Variants in ATP8B1 observed in about 807,000 individuals in gnomAD.
ATP8B1 encodes phospholipid-transporting ATPase IC.
A neutral mutation model predicts 149.9 loss-of-function variants in ATP8B1; 80 were observed. The observed-to-expected ratio is 0.53, with a 90% CI of 0.45 to 0.64. ATP8B1 has a LOEUF of 0.64. Among genes scored for constraint, ATP8B1 ranks in the 30% least tolerant of loss-of-function variants. The pLI is 0.00. For synonymous variants in ATP8B1, 536 were observed against 562.8 expected (o/e 0.95, Z 0.67); for missense variants, 1,247 against 1,552.6 (o/e 0.80, Z 3.31).
intron 22 of ATP8B1, 125 bp downstream of exon 22, chr18:57,661,049 G>A: frequency 7.6e-7 from 1 of 1,315,770 alleles, no homozygotes; most frequent in Non-Finnish European, 1.1e-6. Context: ...GTGACTTTAT[G>A]AAACATCTGC....
intron 1 of ATP8B1, among the ~76,000 whole-genome samples, chr18:57,764,325 TTCTTTCTTTCTTTCTTTTTCTTTCTTTC>T (rs1262344135): frequency 1.0e-5 from 1 of 97,024 alleles, no homozygotes; most frequent in African/African-American, 4.1e-5. Context: ...TTCTTTCTTT[TTCTTTCTTTCTTTCTTTTTCTTTCTTTC>T]TCTCCCTCTT....
chr18:57,763,328 A>G (rs371167873), intron 1 of ATP8B1, among the ~76,000 whole-genome samples: 12 of 152,010 alleles, frequency 7.9e-5, no homozygotes, highest in East Asian at 5.8e-4. Context: ...GGAGGCGGAG[A>G]TTGCGGTGAG....
Position 57,698,586 on chromosome 18 carries a change from C to T in ATP8B1, c.555-719G>A, listed in dbSNP as rs557389402. Reference sequence around the variant, plus strand: ...CTGACCTCAGGTGATCCACCCACCTCGGCCTCCCAAAGTGCTGGGATTATA... The same window carrying T: ...CTGACCTCAGGTGATCCACCCACCTTGGCCTCCCAAAGTGCTGGGATTATA... On this transcript the variant is annotated intron_variant, in intron 6 of 27. Transcript: ENST00000648908. Among the ~76,000 whole-genome samples the T allele has an allele frequency of 5.2e-4, 79 of 152,248 alleles. 1 individual carries two copies. The highest frequency in any genetic ancestry group is 1.7e-3 in the African/African-American group (72 of 41,550).
At chr18:57,711,303 T>C (rs1318469574) in intron 2 of ATP8B1, among the ~76,000 whole-genome samples, 1 of 152,172 alleles carries the variant, frequency 6.6e-6, no homozygotes, top group South Asian at 2.1e-4. Context: ...TGATAGCCTA[T>C]GCAGTCAGCA....
rs556214831 is a variant in ATP8B1, at chr18:57,802,056, C to G, written c.-26+942G>C. On this transcript the variant is annotated intron_variant, in intron 1 of 27. Coordinates refer to ENST00000648908, the MANE Select transcript of ATP8B1 (RefSeq NM_001374385.1). The surrounding 1 kb of genome is among the most constrained non-coding windows in gnomAD (Gnocchi z 4.9). Reference sequence around the variant, plus strand: ...CACGGATCTGCGCTCCGAGCACCGCCCCCCCCCGCAACCAGCCACCAACCC... The same window carrying G: ...CACGGATCTGCGCTCCGAGCACCGCGCCCCCCCGCAACCAGCCACCAACCC... The G allele has an allele frequency of 4.2e-5, 3 of 71,772 alleles. No homozygotes were observed. The East Asian group carries it at 9.3e-3, about 222-fold the overall frequency. The allele number at this position is 71,772 out of a possible 1,614,324, so 4.4% of individuals were successfully genotyped here.
At chr18:57,790,550 C>T (rs543717615) in intron 1 of ATP8B1, among the ~76,000 whole-genome samples, 2 of 152,184 alleles carry the variant, frequency 1.3e-5, no homozygotes, top group South Asian at 4.2e-4. Context: ...ACCCCAGGGC[C>T]TTTGCACATG....
At chr18:57,751,211 G>A (rs928229372) in intron 1 of ATP8B1, among the ~76,000 whole-genome samples, 3 of 151,998 alleles carry the variant, frequency 2.0e-5, no homozygotes, top group African/African-American at 7.2e-5. Context: ...GGAATGTTGG[G>A]CTAGGCTTGT....
At chr18:57,699,824 A>C (rs186769304) in intron 6 of ATP8B1, among the ~76,000 whole-genome samples, 1 of 152,262 alleles carries the variant, frequency 6.6e-6, no homozygotes, top group Non-Finnish European at 1.5e-5. Context: ...AAGTGCTGAG[A>C]TTACAGGCGT....
At chr18:57,660,990 T>G (rs1037027549) in intron 22 of ATP8B1, among the ~76,000 whole-genome samples, 184 bp downstream of exon 22, 9 of 152,204 alleles carry the variant, frequency 5.9e-5, no homozygotes, top group Admixed American at 2.6e-4. Flanking sequence ...TTCCTCCTGA[T>G]GGGCTGTGGG....
At chr18:57,708,268 C>T (rs773677934) in intron 2 of ATP8B1, among the ~76,000 whole-genome samples, 2 of 151,812 alleles carry the variant, frequency 1.3e-5, no homozygotes, top group Non-Finnish European at 2.9e-5. Flanking sequence ...ATTTTTCTCG[C>T]ATCATTTTGG....
At chr18:57,800,515 A>G (rs1010976932) in intron 1 of ATP8B1, among the ~76,000 whole-genome samples, 2 of 152,218 alleles carry the variant, frequency 1.3e-5, no homozygotes, top group South Asian at 4.1e-4. Context: ...GCTTATAAAA[A>G]ACTAAAATGG....
rs2080585853 is a variant in ATP8B1, at chr18:57,802,326, C to A, written c.-26+672G>T. Among the ~76,000 whole-genome samples, 1 of 152,148 alleles carries A rather than the reference C, an allele frequency of 6.6e-6. No individual in the cohort carries two copies. Among genetic ancestry groups the A allele is most frequent in the African/African-American group, 2.4e-5 (1 of 41,444 alleles). On this transcript the variant is annotated intron_variant, in intron 1 of 27. Coordinates refer to ENST00000648908, the MANE Select transcript of ATP8B1 (RefSeq NM_001374385.1). This position sits in a 1 kb window ranked among gnomAD's most constrained non-coding sequence, Gnocchi z 4.9. ...AAGGAGATGCCTGCAGCCATCTCAG[C>A]GGGGCTGGCGGACGCGACCCGACAG...
At position 57,734,773 on chromosome 18, in the gene ATP8B1, T is replaced by G. The variant is rs114876363; in HGVS notation, c.-25-2941A>C. On this transcript the variant is annotated intron_variant, in intron 1 of 27. Coordinates refer to ENST00000648908, the MANE Select transcript of ATP8B1 (RefSeq NM_001374385.1). ...GAATATTCATTCCCCAAATCCATAG[T>G]CTTTACCTCTGGCCTTAGCTTTTCA... Among the ~76,000 whole-genome samples, 1,027 of 152,254 alleles carry G rather than the reference T, an allele frequency of 6.7e-3. 14 individuals are homozygous for G. Among genetic ancestry groups the G allele is most frequent in the African/African-American group, 0.024 (981 of 41,564 alleles).
intron 2 of ATP8B1, among the ~76,000 whole-genome samples, chr18:57,714,281 A>G (rs1260762503): frequency 2.7e-5 from 4 of 147,444 alleles, no homozygotes; most frequent in African/African-American, 4.9e-5. Context: ...TAGGACACCA[A>G]GCAGATTTCT....
At chr18:57,782,578 C>A (rs1267373017) in intron 1 of ATP8B1, among the ~76,000 whole-genome samples, 5 of 152,130 alleles carry the variant, frequency 3.3e-5, no homozygotes, top group Non-Finnish European at 7.4e-5. Flanking sequence ...GTTTTTGATG[C>A]TTCCCAGGTG....
At chr18:57,775,938 C>T (rs1398544796) in intron 1 of ATP8B1, among the ~76,000 whole-genome samples, 1 of 152,188 alleles carries the variant, frequency 6.6e-6, no homozygotes, top group African/African-American at 2.4e-5. Context: ...GCTGCTGCGC[C>T]CAGCCTAGGC....
chr18:57,665,164 T>G (rs1910774225), intron 20 of ATP8B1, among the ~76,000 whole-genome samples: 1 of 151,682 alleles, frequency 6.6e-6, no homozygotes, highest in Non-Finnish European at 1.5e-5. Flanking sequence ...AGTATCCCTT[T>G]TCCACATCAA....
intron 15 of ATP8B1, among the ~76,000 whole-genome samples, chr18:57,676,150 TTTTC>T (rs750143543): frequency 5.3e-5 from 8 of 152,068 alleles, no homozygotes; most frequent in African/African-American, 1.2e-4. Flanking sequence ...AAAAAGTATG[TTTTC>T]TTTCTTTCTT....
chr18:57,685,891 A>G (rs1359215086), intron 13 of ATP8B1, among the ~76,000 whole-genome samples: 1 of 152,008 alleles, frequency 6.6e-6, no homozygotes, highest in African/African-American at 2.4e-5. Flanking sequence ...AGATCGTGCC[A>G]CTGCACTCCA....
Sources: allele counts gnomAD v4.1 joint callset (sites outside exome capture counted in the v4.1 genomes callset), GRCh38; gene constraint gnomAD v4.1.1; non-coding constraint Gnocchi (gnomAD v3.1); transcripts MANE v1.5; gene names NCBI Gene and HGNC (gene_info 2026-07-23, HGNC 2026-07-21).